MAST4: variants seen among roughly 807,000 people sequenced by gnomAD.
MAST4 encodes microtubule associated serine/threonine kinase family member 4.
Under a neutral mutation model 162.7 loss-of-function variants are expected in MAST4, and 89 were observed. The ratio of observed to expected loss-of-function variants is 0.55; its 90% CI spans 0.46 to 0.65. The LOEUF (loss-of-function observed/expected upper bound fraction) is 0.65, where lower values mean the gene tolerates loss of function less well. MAST4 is among the 30% of genes least tolerant of loss of function. The pLI is 0.00. For missense variants in MAST4, 3,153 were observed against 3,374.0 expected (o/e 0.93, Z 1.62); for synonymous variants, 1,479 against 1,361.1 (o/e 1.09, Z -1.91).
chr5:66,896,814 C>T (rs766758289), intron 3 of MAST4, among the ~76,000 whole-genome samples: 1 of 152,150 alleles, frequency 6.6e-6, no homozygotes, highest in Non-Finnish European at 1.5e-5. Context: ...GGATCATTTA[C>T]GCTTCTTTCT....
chr5:66,874,560 A>G (rs1042606899), intron 3 of MAST4, among the ~76,000 whole-genome samples: 2 of 152,182 alleles, frequency 1.3e-5, no homozygotes, highest in African/African-American at 2.4e-5. Flanking sequence ...CATCTGATCA[A>G]TTTCAAAACC....
chr5:66,756,620 T>G (rs1042996770), intron 1 of MAST4, among the ~76,000 whole-genome samples: 2 of 152,228 alleles, frequency 1.3e-5, no homozygotes, highest in African/African-American at 4.8e-5. Context: ...TAGGGTGTGA[T>G]GAAGTGTCTT....
At chr5:66,706,095 A>G (rs1208724941) in intron 1 of MAST4, among the ~76,000 whole-genome samples, 3 of 152,202 alleles carry the variant, frequency 2.0e-5, no homozygotes, top group African/African-American at 7.2e-5. Context: ...TAGTACTGTG[A>G]AGATTCCTAG....
rs138284690 is a variant in MAST4, at chr5:67,050,681, A to G, written c.675-3723A>G. On this transcript the variant is annotated intron_variant, in intron 4 of 28. Coordinates refer to ENST00000403625, the MANE Select transcript of MAST4 (RefSeq NM_001164664.2). ...ATCCATTGTTTATGCCATTGTCTCA[A>G]GTTGTTATATGACTGTCTTCTCAGC... Among the ~76,000 whole-genome samples the G allele has an allele frequency of 4.0e-3, 615 of 152,290 alleles. 17 individuals are homozygous for G. Among genetic ancestry groups the G allele is most frequent in the Admixed American group, 0.029 (440 of 15,302 alleles).
intron 3 of MAST4, among the ~76,000 whole-genome samples, chr5:66,807,195 T>G (rs1287558103): frequency 6.6e-6 from 1 of 152,198 alleles, no homozygotes; most frequent in African/African-American, 2.4e-5. Context: ...ACTCTTTTAG[T>G]TACTTAAAAA....
intron 7 of MAST4, among the ~76,000 whole-genome samples, 166 bp from the exon 8 acceptor site, chr5:67,100,269 A>G (rs1764883784): frequency 6.6e-6 from 1 of 152,230 alleles, no homozygotes; most frequent in African/African-American, 2.4e-5. Context: ...GAACTCTGAG[A>G]GAGAACATCA....
In MAST4 at chr5:66,851,472, A is replaced by G. The variant is rs545973915; in HGVS notation, c.643-48479A>G. On this transcript the variant is annotated intron_variant, in intron 3 of 28. Transcript: ENST00000403625. ...ATTTAACACCTATGGCAAGAACCAT[A>G]AGGATGCCTTGAGTAGCCTCAGATG... Among the ~76,000 whole-genome samples, 85 of 152,362 alleles carry G rather than the reference A, an allele frequency of 5.6e-4. 1 individual carries two copies. In the South Asian group the frequency reaches 0.017, roughly 31 times the overall value.
At chr5:66,612,300 G>A (rs535770775) in intron 1 of MAST4, among the ~76,000 whole-genome samples, 25 of 152,306 alleles carry the variant, frequency 1.6e-4, no homozygotes, top group African/African-American at 5.5e-4. Flanking sequence ...TGGGTGAAAT[G>A]TAGGGTCCTG....
At chr5:67,119,351 G>A (rs1236443529) in intron 13 of MAST4, among the ~76,000 whole-genome samples, 1 of 152,166 alleles carries the variant, frequency 6.6e-6, no homozygotes, top group Non-Finnish European at 1.5e-5. Context: ...CGTGGCACAG[G>A]TGAGAGGCCC....
At chr5:66,648,181 A>G (rs1745990883) in intron 1 of MAST4, among the ~76,000 whole-genome samples, 1 of 151,832 alleles carries the variant, frequency 6.6e-6, no homozygotes, top group Non-Finnish European at 1.5e-5. Context: ...AAAAAATCAC[A>G]ATTCTGAAGC....
At chr5:66,718,587 A>C (rs1224677792) in intron 1 of MAST4, among the ~76,000 whole-genome samples, 1 of 152,176 alleles carries the variant, frequency 6.6e-6, no homozygotes, top group African/African-American at 2.4e-5. Flanking sequence ...ACAGCCTGAA[A>C]GATATCTATT....
At chr5:67,027,055 C>A (rs1031605189) in intron 4 of MAST4, among the ~76,000 whole-genome samples, 1 of 151,950 alleles carries the variant, frequency 6.6e-6, no homozygotes, top group Non-Finnish European at 1.5e-5. Context: ...TTCAAGAACA[C>A]ATGTTTATAT....
At chr5:67,049,648 TACTC>T (rs1407236091) in intron 4 of MAST4, among the ~76,000 whole-genome samples, 1 of 152,168 alleles carries the variant, frequency 6.6e-6, no homozygotes, top group African/African-American at 2.4e-5. Flanking sequence ...GGGCCCCTCT[TACTC>T]AATTCACTAT....
At chr5:66,771,346 G>A (rs955931585) in intron 2 of MAST4, among the ~76,000 whole-genome samples, 5 of 152,006 alleles carry the variant, frequency 3.3e-5, no homozygotes, top group South Asian at 2.1e-4. Context: ...CGCCACACCC[G>A]GCTAATTTTT....
At position 67,051,798 on chromosome 5, in the gene MAST4, T is replaced by C. The variant is rs1758213241; in HGVS notation, c.675-2606T>C. On this transcript the variant is annotated intron_variant, in intron 4 of 28. Transcript: ENST00000403625. ...ATTCATTCATAAGGCGAAGACCCCA[T>C]TTCATAAGTATACAGATTTATTTCA... Among the ~76,000 whole-genome samples, 3 of 152,184 alleles carry C rather than the reference T, an allele frequency of 2.0e-5. No individual in the cohort carries two copies. In the South Asian group the frequency reaches 6.2e-4, roughly 31 times the overall value.
chr5:67,069,795 G>T (rs1009315161), intron 5 of MAST4, among the ~76,000 whole-genome samples: 15 of 152,072 alleles, frequency 9.9e-5, no homozygotes, highest in Non-Finnish European at 1.6e-4. Flanking sequence ...GCACATGTGG[G>T]AATGTACTGG....
chr5:67,142,994 C>T (rs1770597574), intron 21 of MAST4: 1 of 157,426 alleles, frequency 6.4e-6, no homozygotes, highest in Non-Finnish European at 1.4e-5. Context: ...TTGCTTTCAA[C>T]TCAGGATGAA....
intron 5 of MAST4, among the ~76,000 whole-genome samples, chr5:67,084,047 A>G (rs1454642996): frequency 6.6e-6 from 1 of 152,198 alleles, no homozygotes; most frequent in Admixed American, 6.5e-5. Context: ...ATTCCTGTCA[A>G]TGCCACAGCA....
chr5:66,642,265 C>A (rs1262944973), intron 1 of MAST4, among the ~76,000 whole-genome samples: 3 of 152,174 alleles, frequency 2.0e-5, no homozygotes, highest in African/African-American at 7.2e-5. Context: ...TCAGAAAAAT[C>A]TGAACCAGGG....
Sources: gnomAD v4.1 joint callset for allele counts (sites outside exome capture counted in the v4.1 genomes callset) on GRCh38, gnomAD v4.1.1 for gene constraint, MANE v1.5 for transcripts, NCBI Gene and HGNC (gene_info 2026-07-23, HGNC 2026-07-21) for gene names.